CDH13: variants seen among roughly 807,000 people sequenced by gnomAD.
CDH13 encodes cadherin-13.
CDH13 carries 24 observed loss-of-function variants against 63.8 expected under a neutral mutation model. The observed-to-expected ratio is 0.38, with a 90% CI of 0.27 to 0.53. The LOEUF (loss-of-function observed/expected upper bound fraction) is 0.53. CDH13 is among the 20% of genes least tolerant of loss of function. The pLI, the probability that CDH13 is intolerant of heterozygous loss-of-function variation, is 0.85. For synonymous variants in CDH13, 503 were observed against 355.3 expected (o/e 1.42, Z -4.67); for missense variants, 1,049 against 903.1 (o/e 1.16, Z -2.07).
chr16:82,782,544 T>A, intron 1 of CDH13, among the ~76,000 whole-genome samples: 1 of 95,630 alleles, frequency 1.0e-5, no homozygotes, highest in African/African-American at 3.9e-5. Flanking sequence ...AGTGCCAGAC[T>A]CCATCTCAAA....
chr16:83,173,901 A>T (rs2038021151), intron 4 of CDH13, among the ~76,000 whole-genome samples: 1 of 152,112 alleles, frequency 6.6e-6, no homozygotes, highest in Admixed American at 6.6e-5. Context: ...CTTATGACTT[A>T]GAACATGCCA....
At chr16:82,687,236 G>T (rs925239931) in intron 1 of CDH13, among the ~76,000 whole-genome samples, 1 of 152,218 alleles carries the variant, frequency 6.6e-6, no homozygotes, top group Non-Finnish European at 1.5e-5. Context: ...TGTAAAGGAG[G>T]AGGCAGGGTT....
chr16:82,718,774 G>A (rs1271064268), intron 1 of CDH13, among the ~76,000 whole-genome samples: 5 of 152,122 alleles, frequency 3.3e-5, no homozygotes, highest in South Asian at 4.1e-4. Context: ...GCATGGGAAA[G>A]ACCCAGCCCC....
chr16:83,426,303 G>A (rs2035710), intron 6 of CDH13, among the ~76,000 whole-genome samples: 141,040 of 152,216 alleles, frequency 0.93, 65,393 homozygotes, highest in East Asian at 1. Context: ...CATCCGATTT[G>A]AAGGGTCAGT....
intron 8 of CDH13, among the ~76,000 whole-genome samples, chr16:83,613,693 C>T (rs917693812): frequency 3.3e-5 from 5 of 152,104 alleles, no homozygotes; most frequent in African/African-American, 9.6e-5. Context: ...ATTAGTCAGG[C>T]GTGGTGGCGC....
rs1234151946 is a variant in CDH13 at position 83,173,142 on chromosome 16, G to T, written c.484-44203G>T. On this transcript the variant is annotated intron_variant, in intron 4 of 13. Transcript: ENST00000567109. ...TGTAATTCTCACATTAATTCTGTGA[G>T]ACTGGTGCCATGACTATGCCACTTA... Among the ~76,000 whole-genome samples the T allele has an allele frequency of 2.6e-5, 4 of 152,112 alleles. No individual in the cohort carries two copies. The East Asian group carries it at 7.7e-4, about 29-fold the overall frequency.
Position 83,508,133 on chromosome 16 carries a change from A to AG in CDH13, c.960+21481dup, listed in dbSNP as rs2074461532. Among the ~76,000 whole-genome samples the AG allele has an allele frequency of 1.4e-4, 4 of 29,602 alleles. No individual in the cohort carries two copies. In the South Asian group the frequency reaches 5.0e-3, roughly 37 times the overall value. The allele number at this position is 29,602 out of a possible 152,430, so 19.4% of individuals were successfully genotyped here. A position where few individuals can be genotyped will look rare whatever the true frequency, so the allele number is the denominator to read the frequency against. On this transcript the variant is annotated intron_variant, in intron 7 of 13. Coordinates refer to ENST00000567109, the MANE Select transcript of CDH13 (RefSeq NM_001257.5). Reference sequence around the variant, plus strand: ...GAAAAGGAAGGAAGGGAGGAAGGAAAGGGAAGGGGAGGGGAGGGGAGGCGA... The same window carrying AG: ...GAAAAGGAAGGAAGGGAGGAAGGAAAGGGGAAGGGGAGGGGAGGGGAGGCGA...
intron 6 of CDH13, among the ~76,000 whole-genome samples, chr16:83,428,999 C>A (rs530249581): frequency 1.3e-5 from 2 of 152,340 alleles, no homozygotes; most frequent in Admixed American, 1.3e-4. Flanking sequence ...TTCTCTCATC[C>A]GTTTCCTAGG....
intron 1 of CDH13, among the ~76,000 whole-genome samples, chr16:82,701,394 CCTT>C (rs1156521651): frequency 1.3e-5 from 2 of 152,226 alleles, no homozygotes; most frequent in East Asian, 3.9e-4. Context: ...TCTGTGTGCT[CCTT>C]CTTCTCTGGG....
rs149426259 is a variant in CDH13 at position 82,861,046 on chromosome 16, C to G, written c.157+2573C>G. Among the ~76,000 whole-genome samples the G allele has an allele frequency of 3.2e-3, 493 of 152,280 alleles. 1 individual carries two copies. The highest frequency in any genetic ancestry group is 0.011 in the African/African-American group (458 of 41,548). On this transcript the variant is annotated intron_variant, in intron 2 of 13. Transcript: ENST00000567109. ...GAAGTGTGCTATCAAATTGAAGACT[C>G]TACTGGCACAAGGCTAAATCTGAAT...
At chr16:82,979,449 G>A (rs563278093) in intron 2 of CDH13, among the ~76,000 whole-genome samples, 130 of 152,258 alleles carry the variant, frequency 8.5e-4, no homozygotes, top group African/African-American at 2.8e-3. Context: ...TGGGAGGGAC[G>A]TGGGGGGAGA....
chr16:82,629,543 CAG>C (rs1907757673), intron 1 of CDH13, among the ~76,000 whole-genome samples: 1 of 152,160 alleles, frequency 6.6e-6, no homozygotes, highest in South Asian at 2.1e-4. Context: ...AGAGAGAAAA[CAG>C]AAGGGAAAAA....
At chr16:82,866,708 G>T (rs1187119306) in intron 2 of CDH13, among the ~76,000 whole-genome samples, 2 of 152,124 alleles carry the variant, frequency 1.3e-5, no homozygotes, top group Admixed American at 6.5e-5. Context: ...CATGCCTGGG[G>T]AGGCCTTAGA....
At chr16:83,768,562 G>C (rs541249167) in intron 11 of CDH13, among the ~76,000 whole-genome samples, 1 of 152,330 alleles carries the variant, frequency 6.6e-6, no homozygotes, top group South Asian at 2.1e-4. Context: ...AGAGTAAAGT[G>C]AAAGCAAGTT....
intron 4 of CDH13, among the ~76,000 whole-genome samples, chr16:83,217,040 TTAAAAA>T (rs1466283152): frequency 6.6e-6 from 1 of 151,920 alleles, no homozygotes; most frequent in African/African-American, 2.4e-5. Flanking sequence ...TTTCGTGGAG[TTAAAAA>T]TAATAAAATG....
At chr16:83,076,434 C>G (rs936772957) in intron 3 of CDH13, among the ~76,000 whole-genome samples, 1 of 152,112 alleles carries the variant, frequency 6.6e-6, no homozygotes, top group African/African-American at 2.4e-5. Context: ...GACAAAGATC[C>G]TTGCATGGCA....
chr16:83,066,137 A>T (rs2031991167), intron 3 of CDH13, among the ~76,000 whole-genome samples: 1 of 152,212 alleles, frequency 6.6e-6, no homozygotes, highest in East Asian at 1.9e-4. Context: ...CTAAAACTAG[A>T]TATGAAATTT....
chr16:83,568,819 A>T (rs1904319135), intron 7 of CDH13, among the ~76,000 whole-genome samples: 2 of 151,784 alleles, frequency 1.3e-5, no homozygotes, highest in African/African-American at 2.4e-5. Context: ...TCCCAAAGCC[A>T]CTCACTTGCT....
intron 1 of CDH13, among the ~76,000 whole-genome samples, chr16:82,729,177 A>T (rs1335496756): frequency 6.6e-6 from 1 of 152,170 alleles, no homozygotes; most frequent in Non-Finnish European, 1.5e-5. Flanking sequence ...ACTCCTTTTA[A>T]TGTTGACACT....
Sources: gnomAD v4.1 joint callset for allele counts (sites outside exome capture counted in the v4.1 genomes callset) on GRCh38, gnomAD v4.1.1 for gene constraint, MANE v1.5 for transcripts, NCBI Gene and HGNC (gene_info 2026-07-23, HGNC 2026-07-21) for gene names.